CEP20: variants seen among roughly 807,000 people sequenced by gnomAD.
The protein encoded by CEP20 is FGFR1OP N-terminal like.
CEP20 carries 18 observed loss-of-function variants against 20.0 expected under a neutral mutation model. The observed-to-expected ratio is 0.90, with a 90% confidence interval of 0.62 to 1.34. The LOEUF (loss-of-function observed/expected upper bound fraction) is 1.34. CEP20 is among the 40% of genes most tolerant of loss of function. The probability of loss-of-function intolerance (pLI) is 0.00; values close to 1 mark genes in which losing one functional copy is unlikely to be tolerated. For missense variants in CEP20, 215 were observed against 201.6 expected, an observed-to-expected ratio of 1.07 and a Z score of -0.40; for synonymous variants, 77 against 73.7, an observed-to-expected ratio of 1.04 and a Z score of -0.23.
At chr16:15,883,737 A>G (rs1160526951) in intron 2 of CEP20, among the ~76,000 whole-genome samples, 5 of 152,198 alleles carry the variant, frequency 3.3e-5, no homozygotes, top group Non-Finnish European at 7.3e-5. Flanking sequence ...ACTGGTGGCA[A>G]ACAGGACAAA....
intron 3 of CEP20, among the ~76,000 whole-genome samples, chr16:15,875,821 G>C (rs2044930332): frequency 6.6e-6 from 1 of 152,150 alleles, no homozygotes; most frequent in African/African-American, 2.4e-5. Flanking sequence ...TTAATGTGCT[G>C]GGTGTGGTGG....
intron 4 of CEP20, among the ~76,000 whole-genome samples, chr16:15,870,133 G>A (rs2044778286): frequency 6.6e-6 from 1 of 152,114 alleles, no homozygotes; most frequent in South Asian, 2.1e-4. Flanking sequence ...TTTCATCTCA[G>A]AAGAACAGAA....
intron 3 of CEP20, among the ~76,000 whole-genome samples, chr16:15,876,931 A>C (rs2044966804): frequency 6.8e-6 from 1 of 148,006 alleles, no homozygotes; most frequent in African/African-American, 2.5e-5. Flanking sequence ...GGCTCACTGC[A>C]AGCTCCACCT....
chr16:15,873,583 T>G lies in CEP20; in HGVS notation c.356A>C (p.Lys119Thr). ...GILAHFLRGT[K>T]DGIQNAFLKG... The stretch of plus-strand genomic sequence containing the variant: ...CAGAAATGCATTCTGGATGCCATCC[T>G]TAGTTCCACGCAAGAAATGGGCTAA... Residue 119 changes from lysine (K) to threonine (T), a missense_variant, in exon 4 of 5, where the codon AAG becomes ACG. By Grantham distance (78) the Lys-to-Thr change is moderately conservative. Transcript: ENST00000255759. 6.2e-7 allele frequency: 1 copy of G among 1,614,088 alleles called. No individual in the cohort carries two copies. The highest frequency in any genetic ancestry group is 8.5e-7 in the Non-Finnish European group (1 of 1,179,952).
At chr16:15,871,826 T>G (rs2044826530) in intron 4 of CEP20, among the ~76,000 whole-genome samples, 1 of 152,178 alleles carries the variant, frequency 6.6e-6, no homozygotes, top group Non-Finnish European at 1.5e-5. Context: ...TGATTCACTG[T>G]TTACTTTCAG....
At chr16:15,880,392 A>G (rs1331889099) in intron 2 of CEP20, among the ~76,000 whole-genome samples, 1 of 152,176 alleles carries the variant, frequency 6.6e-6, no homozygotes, top group African/African-American at 2.4e-5. Context: ...TCTCACTCTT[A>G]GCTTTCTACC....
At chr16:15,886,227 A>C (rs2045243949) in intron 1 of CEP20, 1 of 152,234 alleles carries the variant, frequency 6.6e-6, no homozygotes, top group Non-Finnish European at 1.5e-5. Flanking sequence ...GATCTTTCTA[A>C]GCTTCAATAA....
intron 1 of CEP20, among the ~76,000 whole-genome samples, chr16:15,884,540 C>T (rs920454549): frequency 6.6e-6 from 1 of 152,106 alleles, no homozygotes; most frequent in African/African-American, 2.4e-5. Context: ...CTCGCTCTTT[C>T]ACCCAGGCTG....
rs1392616211 is a variant in CEP20, at chr16:15,879,897, A to C, written c.227-9T>G. 4 of 1,568,476 alleles carry C rather than the reference A, an allele frequency of 2.6e-6. No homozygotes were observed. Among genetic ancestry groups the C allele is most frequent in the Non-Finnish European group, 3.4e-6 (4 of 1,159,706 alleles). On this transcript the variant is annotated splice_polypyrimidine_tract_variant and intron_variant, in intron 2 of 4. Transcript: ENST00000255759. ...TACAGGTTGACCAGATTCTGGGAGA[A>C]ATAAATTCATGAGAACACTCAGTCT...
Position 15,888,557 on chromosome 16 carries a change from C to G in CEP20, c.28+1G>C. 6.2e-7 allele frequency: 1 copy of G among 1,614,192 alleles called. No homozygotes were observed. The highest frequency in any genetic ancestry group is 1.1e-5 in the South Asian group (1 of 91,084). On this transcript the variant is annotated splice_donor_variant, in intron 1 of 4. Coordinates refer to ENST00000255759, the MANE Select transcript of CEP20 (RefSeq NM_144600.4). LOFTEE classifies it high-confidence loss of function. ...GTGGAGGCCTCCCTGCTCGCACTCA[C>G]CAGCCTTCAACTCTGCCACAGTCGC...
In CEP20 at chr16:15,867,260, C is replaced by A; in HGVS notation, c.*180G>T. ...CAATACTTTTTTTTTCAAGTCAAAT[C>A]CAATAAGCTAGATGACAAGAGTTAG... On this transcript the variant is annotated 3_prime_UTR_variant, in exon 5 of 5. Transcript: ENST00000255759. 2 of 458,788 alleles carry A rather than the reference C, an allele frequency of 4.4e-6. No individual in the cohort carries two copies. The highest frequency in any genetic ancestry group is 7.6e-6 in the Non-Finnish European group (2 of 263,250). 28.4% of individuals were successfully genotyped at this position (458,788 alleles called of 1,614,324 possible). A position where few individuals can be genotyped will look rare whatever the true frequency, so the allele number is the denominator to read the frequency against.
intron 2 of CEP20, 66 bp downstream of exon 2, chr16:15,883,942 A>G: frequency 1.4e-6 from 2 of 1,379,810 alleles, no homozygotes; most frequent in South Asian, 2.6e-5. Context: ...TTTCTAGGAT[A>G]AACAGTTTCT....
At chr16:15,886,409 G>T (rs1181951243) in intron 1 of CEP20, among the ~76,000 whole-genome samples, 1 of 152,198 alleles carries the variant, frequency 6.6e-6, no homozygotes, top group African/African-American at 2.4e-5. Flanking sequence ...GGAAGGTACA[G>T]CCTTATTGTA....
Position 15,879,822 on chromosome 16 carries a change from T to C in CEP20, c.293A>G (p.Glu98Gly). The change falls in exon 3 of 5, where the codon GAA becomes GGA. Residue 98 changes from glutamate to glycine, a missense_variant. Coordinates refer to ENST00000255759, the MANE Select transcript of CEP20 (RefSeq NM_144600.4). ...GTCTTACATTGTATTATCCTTTGATTCTTCAAATGCATTTAGTTCATGGAT... is the reference window on the plus strand; with the variant it reads ...GTCTTACATTGTATTATCCTTTGATCCTTCAAATGCATTTAGTTCATGGAT... ...FLIHELNAFEESKDNTIPLLY... is the reference protein window; with the variant it reads ...FLIHELNAFEGSKDNTIPLLY... The C allele has an allele frequency of 6.3e-7, 1 of 1,578,410 alleles. No homozygotes were observed. Among genetic ancestry groups the C allele is most frequent in the Non-Finnish European group, 8.6e-7 (1 of 1,169,014 alleles).
intron 3 of CEP20, among the ~76,000 whole-genome samples, chr16:15,874,585 T>G (rs1291025501): frequency 2.6e-5 from 4 of 152,224 alleles, no homozygotes; most frequent in Non-Finnish European, 5.9e-5. Context: ...TGTTTTCCTT[T>G]GTTTCCAATC....
chr16:15,867,222 T>C lies in CEP20; in HGVS notation c.*218A>G, dbSNP rs1310847354. The C allele has an allele frequency of 2.7e-5, 11 of 415,006 alleles. No individual in the cohort carries two copies. Among genetic ancestry groups the C allele is most frequent in the Non-Finnish European group, 4.7e-5 (11 of 235,168 alleles). 25.7% of individuals were successfully genotyped at this position (415,006 alleles called of 1,614,324 possible). A position where few individuals can be genotyped will look rare whatever the true frequency, so the allele number is the denominator to read the frequency against. On this transcript the variant is annotated 3_prime_UTR_variant, in exon 5 of 5. Coordinates refer to ENST00000255759, the MANE Select transcript of CEP20 (RefSeq NM_144600.4). ...GACTCCATCTCAAAAAAACAAAAAA[T>C]ACTTCGTAAAAACAATACTTTTTTT... is the stretch of plus-strand genomic sequence containing the variant.
chr16:15,867,928 G>A (rs1205411523), intron 4 of CEP20, among the ~76,000 whole-genome samples: 2 of 146,684 alleles, frequency 1.4e-5, no homozygotes, highest in African/African-American at 2.5e-5. Context: ...AGCCAAGATC[G>A]TGCCATTTCA....
chr16:15,877,467 A>G (rs2044982724), intron 3 of CEP20, among the ~76,000 whole-genome samples: 1 of 152,210 alleles, frequency 6.6e-6, no homozygotes, highest in Non-Finnish European at 1.5e-5. Context: ...CAATTTTTAT[A>G]CTTTTCAAAA....
chr16:15,879,804 A>T lies in CEP20; in HGVS notation c.311T>A (p.Ile104Lys), dbSNP rs371305543. The T allele has an allele frequency of 6.4e-7, 1 of 1,568,196 alleles. No individual in the cohort carries two copies. Among genetic ancestry groups the T allele is most frequent in the East Asian group, 2.3e-5 (1 of 42,926 alleles). ...NAFEESKDNT[I>K]PLLYGILAHF... ...AAACTTCTTTAAAAAAATGTCTTAC[A>T]TTGTATTATCCTTTGATTCTTCAAA... Residue 104 changes from isoleucine to lysine, a missense_variant and splice_region_variant, in exon 3 of 5, where the codon ATA (isoleucine) becomes AAA (lysine). Coordinates refer to ENST00000255759, the MANE Select transcript of CEP20 (RefSeq NM_144600.4).
Sources: gnomAD v4.1 joint callset for allele counts (sites outside exome capture counted in the v4.1 genomes callset) on GRCh38, gnomAD v4.1.1 for gene constraint, MANE v1.5 for transcripts, NCBI Gene and HGNC (gene_info 2026-07-23, HGNC 2026-07-21) for gene names.